The following LGR6 variants were observed in gnomAD, a reference collection of about 807,000 sequenced individuals.
LGR6 encodes leucine-rich repeat-containing G protein-coupled receptor 6.
Under a neutral mutation model 69.4 loss-of-function variants are expected in LGR6, and 45 were observed. That is an observed-to-expected ratio of 0.65 (90% CI 0.51 to 0.83). The LOEUF (loss-of-function observed/expected upper bound fraction) is 0.83, where lower values mean the gene tolerates loss of function less well. Among genes scored for constraint, LGR6 ranks in the 40% least tolerant of loss-of-function variants. The pLI, the probability that LGR6 is intolerant of heterozygous loss-of-function variation, is 0.00. For missense variants in LGR6, 1,108 were observed against 1,246.7 expected (o/e 0.89, Z 1.68); for synonymous variants, 538 against 555.0 (o/e 0.97, Z 0.43).
At chr1:202,288,187 A>G (rs1471551654) in intron 6 of LGR6, among the ~76,000 whole-genome samples, 1 of 152,060 alleles carries the variant, frequency 6.6e-6, no homozygotes, top group Non-Finnish European at 1.5e-5. Context: ...ACCATTATCC[A>G]CATGGTTTAC....
At position 202,193,976 on chromosome 1, in the gene LGR6, G is replaced by T; in HGVS notation, c.-14G>T. On this transcript the variant is annotated 5_prime_UTR_variant, in exon 1 of 18. Transcript: ENST00000367278. ...CGCCCGGCCGCCAGGTGCCCCAGTA[G>T]CCCGACCGCCGAGATGCCCAGCCCG... is the stretch of plus-strand genomic sequence containing the variant. 1 of 1,354,912 alleles carries T rather than the reference G, an allele frequency of 7.4e-7. No individual in the cohort carries two copies. The allele number at this position is 1,354,912 out of a possible 1,614,324, so 83.9% of individuals were successfully genotyped here.
Position 202,318,175 on chromosome 1 carries a change from G to A in LGR6, c.1872G>A (p.Leu624=). 6.2e-7 allele frequency: 1 copy of A among 1,613,720 alleles called. No individual in the cohort carries two copies. Among genetic ancestry groups the A allele is most frequent in the Non-Finnish European group, 8.5e-7 (1 of 1,179,998 alleles). ...GCCTTCTAGCCTCAGTCGATGCCCT[G>A]ACCTTTGGTCAGTTCTCTGAGTACG... The part of the protein sequence containing the change: ...SCGLLASVDA[L]TFGQFSEYGA... The change falls in exon 18 of 18, where the codon CTG becomes CTA. Residue 624 remains leucine, a synonymous_variant. Transcript: ENST00000367278.
At chr1:202,204,897 C>T (rs1434793316) in intron 1 of LGR6, among the ~76,000 whole-genome samples, 5 of 67,354 alleles carry the variant, frequency 7.4e-5, no homozygotes, top group Non-Finnish European at 1.2e-4. Context: ...AACACACACA[C>T]ACACCTCCAA....
At chr1:202,243,558 C>T (rs1192185004) in intron 4 of LGR6, among the ~76,000 whole-genome samples, 5 of 152,156 alleles carry the variant, frequency 3.3e-5, no homozygotes, top group Non-Finnish European at 5.9e-5. Context: ...ATTATAGCCC[C>T]AATTTACAGA....
At chr1:202,281,273 CAGAA>C (rs1339911728) in intron 6 of LGR6, among the ~76,000 whole-genome samples, 3 of 152,124 alleles carry the variant, frequency 2.0e-5, no homozygotes, top group East Asian at 1.9e-4. Flanking sequence ...TGGCTGCTGA[CAGAA>C]GGAAGAGTAA....
chr1:202,196,377 G>A (rs778680192), intron 1 of LGR6, among the ~76,000 whole-genome samples: 5 of 152,202 alleles, frequency 3.3e-5, no homozygotes, highest in Non-Finnish European at 5.9e-5. Context: ...AAGAGCCAGG[G>A]TGGGGAAGTC....
At chr1:202,207,795 G>C (rs1016635100) in intron 1 of LGR6, among the ~76,000 whole-genome samples, 1 of 152,170 alleles carries the variant, frequency 6.6e-6, no homozygotes, top group Admixed American at 6.5e-5. Flanking sequence ...AAAGTGCCTA[G>C]AACGGCGTCT....
intron 1 of LGR6, chr1:202,197,479 G>C (rs974664495): frequency 1.9e-6 from 1 of 532,982 alleles, no homozygotes; most frequent in Non-Finnish European, 3.8e-6. Flanking sequence ...ACTCACCGGG[G>C]TTTTGACATT....
At position 202,276,329 on chromosome 1, in the gene LGR6, C is replaced by T. The variant is rs867671554; in HGVS notation, c.452C>T (p.Ser151Phe). ...QSLRLDANLISLVPERSFEGL... is the reference protein window; with the variant it reads ...QSLRLDANLIFLVPERSFEGL... The stretch of plus-strand genomic sequence containing the variant: ...AGGCGCCTAGATGCCAACCTCATCT[C>T]CCTGGTCCCGGAGAGGAGCTTTGAG... Residue 151 changes from serine to phenylalanine, a missense_variant, in exon 5 of 18, where the codon TCC becomes TTC. Coordinates refer to ENST00000367278, the MANE Select transcript of LGR6 (RefSeq NM_001017403.2). The T allele has an allele frequency of 1.2e-6, 2 of 1,613,980 alleles. No individual in the cohort carries two copies. Among genetic ancestry groups the T allele is most frequent in the Admixed American group, 1.7e-5 (1 of 59,990 alleles).
At chr1:202,229,400 A>G (rs1660825693) in intron 3 of LGR6, among the ~76,000 whole-genome samples, 1 of 152,064 alleles carries the variant, frequency 6.6e-6, no homozygotes, top group Non-Finnish European at 1.5e-5. Context: ...CCTGGGGAGC[A>G]GGGGAGGCAT....
At chr1:202,215,836 A>G (rs1659741639) in intron 1 of LGR6, among the ~76,000 whole-genome samples, 1 of 152,230 alleles carries the variant, frequency 6.6e-6, no homozygotes, top group Non-Finnish European at 1.5e-5. Flanking sequence ...ATGAATGAGC[A>G]GTCTGAGATT....
chr1:202,297,634 G>A, intron 7 of LGR6, 58 bp downstream of exon 7: 1 of 1,388,808 alleles, frequency 7.2e-7, no homozygotes, highest in Non-Finnish European at 1.0e-6. Flanking sequence ...AGGGGCTGAA[G>A]CCAGCCTGAG....
chr1:202,310,155 A>G, intron 15 of LGR6, 42 bp from the exon 16 acceptor site: 1 of 1,607,582 alleles, frequency 6.2e-7, no homozygotes, highest in Non-Finnish European at 8.5e-7. Context: ...TTAGACCCCA[A>G]AGATGCTGAG....
intron 1 of LGR6, among the ~76,000 whole-genome samples, chr1:202,205,033 T>C (rs1297864290): frequency 0.025 from 427 of 16,802 alleles, 20 homozygotes; most frequent in African/African-American, 0.078. Flanking sequence ...ACACACCTCC[T>C]TCAAACACAC....
chr1:202,259,226 T>G (rs1446166134), intron 4 of LGR6, among the ~76,000 whole-genome samples: 3 of 152,166 alleles, frequency 2.0e-5, no homozygotes, highest in Admixed American at 6.5e-5. Flanking sequence ...TATAGCTTGT[T>G]TTCTGTGCTC....
At chr1:202,314,941 C>T in intron 17 of LGR6, 59 bp downstream of exon 17, 2 of 1,252,038 alleles carry the variant, frequency 1.6e-6, no homozygotes, top group Non-Finnish European at 2.3e-6. Flanking sequence ...ACCCAACCAC[C>T]TAGTTGAGGT....
intron 4 of LGR6, among the ~76,000 whole-genome samples, chr1:202,258,978 A>G (rs1262329445): frequency 6.6e-6 from 1 of 151,986 alleles, no homozygotes; most frequent in Non-Finnish European, 1.5e-5. Context: ...CTCTGTGTCA[A>G]TATTTTACAT....
chr1:202,302,806 C>G (rs111282572), intron 9 of LGR6, among the ~76,000 whole-genome samples: 2,123 of 152,250 alleles, frequency 0.014, 60 homozygotes, highest in African/African-American at 0.048. Flanking sequence ...CTCGGCCTCC[C>G]AAAGTGCTGG....
At chr1:202,252,344 C>G (rs779215864) in intron 4 of LGR6, among the ~76,000 whole-genome samples, 12 of 152,300 alleles carry the variant, frequency 7.9e-5, no homozygotes, top group Non-Finnish European at 1.3e-4. Flanking sequence ...CTCTCCTCCT[C>G]CAGGAAGCCC....
Sources: gnomAD v4.1 joint callset for allele counts (sites outside exome capture counted in the v4.1 genomes callset) on GRCh38, gnomAD v4.1.1 for gene constraint, MANE v1.5 for transcripts, NCBI Gene and HGNC (gene_info 2026-07-23, HGNC 2026-07-21) for gene names.